The following MSI2 variants were observed in gnomAD, a reference collection of about 807,000 sequenced individuals.
MSI2 encodes musashi RNA binding protein 2.
A neutral mutation model predicts 45.6 loss-of-function variants in MSI2; 17 were observed. That is an observed-to-expected ratio of 0.37 (90% confidence interval 0.26 to 0.56). The LOEUF (loss-of-function observed/expected upper bound fraction) is 0.56. Ranked by LOEUF, MSI2 falls within the 20% of genes least tolerant of loss-of-function variation. The pLI is 0.77. For missense variants in MSI2, 293 were observed against 444.2 expected (o/e 0.66, Z 3.06); for synonymous variants, 156 against 158.2 (o/e 0.99, Z 0.11).
chr17:57,283,906 G>A (rs1306070175), intron 5 of MSI2, among the ~76,000 whole-genome samples: 3 of 152,226 alleles, frequency 2.0e-5, no homozygotes, highest in Non-Finnish European at 4.4e-5. Flanking sequence ...GTTGTGCCCA[G>A]CAGGTCCATG....
intron 7 of MSI2, among the ~76,000 whole-genome samples, chr17:57,572,593 C>T (rs2087906646): frequency 6.6e-6 from 1 of 152,234 alleles, no homozygotes; most frequent in African/African-American, 2.4e-5. Flanking sequence ...CAGGTACCTC[C>T]TGGCACATAA....
At chr17:57,433,932 T>G (rs560331076) in intron 6 of MSI2, among the ~76,000 whole-genome samples, 2 of 152,362 alleles carry the variant, frequency 1.3e-5, no homozygotes, top group East Asian at 3.9e-4. Context: ...GATGTTTAAA[T>G]TTTTAAAAAT....
chr17:57,283,049 T>C (rs1179651546), intron 5 of MSI2, among the ~76,000 whole-genome samples: 1 of 152,164 alleles, frequency 6.6e-6, no homozygotes, highest in Non-Finnish European at 1.5e-5. Context: ...AAATTGCCCA[T>C]GTCCAGTAAC....
chr17:57,640,949 G>A (rs904504515), intron 10 of MSI2, among the ~76,000 whole-genome samples: 3 of 152,202 alleles, frequency 2.0e-5, no homozygotes, highest in Non-Finnish European at 4.4e-5. Context: ...AGAGAAGGCC[G>A]TCCTCCCATC....
intron 5 of MSI2, among the ~76,000 whole-genome samples, chr17:57,268,736 T>C (rs1567726603): frequency 6.6e-6 from 1 of 152,102 alleles, no homozygotes; most frequent in Non-Finnish European, 1.5e-5. Flanking sequence ...CTCGGGAGGC[T>C]GAGGCAGAGA....
At chr17:57,594,675 G>T (rs375656867) in intron 7 of MSI2, among the ~76,000 whole-genome samples, 143 of 152,314 alleles carry the variant, frequency 9.4e-4, no homozygotes, top group African/African-American at 3.3e-3. Flanking sequence ...CCTGGTTTAG[G>T]GGGTAGGGGG....
rs1193354643 is a variant in MSI2 at position 57,680,577 on chromosome 17, T to C, written c.*1060T>C. 4.4e-6 allele frequency: 1 copy of C among 227,054 alleles called. No individual in the cohort carries two copies. The highest frequency in any genetic ancestry group is 2.2e-5 in the African/African-American group (1 of 44,960). 14.1% of individuals were successfully genotyped at this position (227,054 alleles called of 1,614,324 possible). A position where few individuals can be genotyped will look rare whatever the true frequency, so the allele number is the denominator to read the frequency against. ...GTCTGTGTGATAGACCTAAGAACTGTATTAGTGTTGTACCAGCCTATTAAC... is the reference window on the plus strand; with the variant it reads ...GTCTGTGTGATAGACCTAAGAACTGCATTAGTGTTGTACCAGCCTATTAAC... On this transcript the variant is annotated 3_prime_UTR_variant, in exon 14 of 14. Transcript: ENST00000284073.
intron 7 of MSI2, among the ~76,000 whole-genome samples, chr17:57,538,642 C>T (rs945145489): frequency 6.6e-6 from 1 of 152,176 alleles, no homozygotes; most frequent in East Asian, 1.9e-4. Flanking sequence ...ACCTGCTTAA[C>T]TTCTTTAGGC....
intron 8 of MSI2, among the ~76,000 whole-genome samples, chr17:57,613,330 A>G (rs1316788808): frequency 6.6e-6 from 1 of 152,222 alleles, no homozygotes; most frequent in Non-Finnish European, 1.5e-5. Context: ...GCAGTTAAAG[A>G]AACCCATCAT....
intron 6 of MSI2, among the ~76,000 whole-genome samples, chr17:57,440,413 CGTGTGTGTGTGTGTGTGTGTGTGTGT>C (rs71139995): frequency 2.7e-4 from 28 of 104,594 alleles, no homozygotes; most frequent in Admixed American, 2.0e-3. Flanking sequence ...GTTTGTTATC[CGTGTGTGTGTGTGTGTGTGTGTGTGT>C]GTGTGTGTGT....
intron 10 of MSI2, among the ~76,000 whole-genome samples, chr17:57,644,213 TG>T (rs1209865650): frequency 1.1e-4 from 16 of 146,272 alleles, no homozygotes; most frequent in African/African-American, 2.7e-4. Flanking sequence ...CAGGGTAAGT[TG>T]TTTTTTTTTT....
At position 57,529,202 on chromosome 17, in the gene MSI2, G is replaced by C. The variant is rs142571385; in HGVS notation, c.406-474G>C. ...TATAATCTCAGCGCTTTGAAAGGCT[G>C]CTGCAGGAGGATCACTTGAGCCCAG... is the stretch of plus-strand genomic sequence containing the variant. On this transcript the variant is annotated intron_variant, in intron 6 of 13. Transcript: ENST00000284073. This position sits in a 1 kb window ranked among gnomAD's most constrained non-coding sequence, Gnocchi z 5.3. Among the ~76,000 whole-genome samples the C allele has an allele frequency of 2.0e-5, 3 of 152,146 alleles. No homozygotes were observed. Among genetic ancestry groups the C allele is most frequent in the Non-Finnish European group, 4.4e-5 (3 of 68,026 alleles).
chr17:57,314,005 T>C (rs1007513509), intron 5 of MSI2, among the ~76,000 whole-genome samples: 2 of 152,136 alleles, frequency 1.3e-5, no homozygotes, highest in Non-Finnish European at 2.9e-5. Context: ...ATTTTTTTGC[T>C]TCACGGTTCT....
At chr17:57,633,021 T>A in intron 10 of MSI2, 2 of 1,045,250 alleles carry the variant, frequency 1.9e-6, no homozygotes, top group African/African-American at 3.3e-5. Context: ...TGAATTGCTT[T>A]GCTTTGGTGA....
intron 5 of MSI2, among the ~76,000 whole-genome samples, chr17:57,289,254 T>C (rs1156336567): frequency 2.6e-5 from 4 of 152,120 alleles, no homozygotes; most frequent in Non-Finnish European, 5.9e-5. Flanking sequence ...GAGGGGACGT[T>C]TCCACCCAGG....
intron 6 of MSI2, chr17:57,449,600 A>G (rs2084958887): frequency 1.3e-5 from 2 of 152,180 alleles, no homozygotes; most frequent in South Asian, 4.1e-4. Context: ...ATCTATTTTC[A>G]AGAAGTAAAT....
intron 6 of MSI2, among the ~76,000 whole-genome samples, chr17:57,453,087 TCCA>T (rs2143563527): frequency 6.9e-6 from 1 of 145,292 alleles, no homozygotes; most frequent in South Asian, 2.3e-4. Flanking sequence ...CACTGCAACC[TCCA>T]CCTCCTGGGT....
chr17:57,666,628 T>A (rs116975463), intron 11 of MSI2, among the ~76,000 whole-genome samples: 32 of 152,354 alleles, frequency 2.1e-4, no homozygotes, highest in Non-Finnish European at 4.4e-4. Flanking sequence ...GGTCCCAGCC[T>A]TGGATTTCAC....
At chr17:57,600,812 G>A (rs1340941275) in intron 8 of MSI2, 1 of 152,160 alleles carries the variant, frequency 6.6e-6, no homozygotes, top group African/African-American at 2.4e-5. Context: ...ACATTGGGTG[G>A]TACAAACTAC....
Sources: allele counts gnomAD v4.1 joint callset (sites outside exome capture counted in the v4.1 genomes callset), GRCh38; gene constraint gnomAD v4.1.1; non-coding constraint Gnocchi (gnomAD v3.1); transcripts MANE v1.5; gene names NCBI Gene and HGNC (gene_info 2026-07-23, HGNC 2026-07-21).